The following ARPC4 variants were observed in gnomAD, a reference collection of about 807,000 sequenced individuals.
ARPC4 encodes actin-related protein 2/3 complex subunit 4.
A neutral mutation model predicts 22.8 loss-of-function variants in ARPC4; 3 were observed. The ratio of observed to expected loss-of-function variants is 0.13; its 90% CI spans 0.06 to 0.34. The LOEUF is 0.34. ARPC4 is among the 10% of genes least tolerant of loss of function. The probability of loss-of-function intolerance (pLI) is 1.00; values close to 1 mark genes in which losing one functional copy is unlikely to be tolerated. For synonymous variants in ARPC4, 80 were observed against 72.5 expected (o/e 1.10, Z -0.52); for missense variants, 98 against 211.0 (o/e 0.46, Z 3.32).
At chr3:9,803,314 A>T (rs2079051207) in intron 4 of ARPC4, among the ~76,000 whole-genome samples, 1 of 152,258 alleles carries the variant, frequency 6.6e-6, no homozygotes, top group Non-Finnish European at 1.5e-5. Flanking sequence ...ACTACCACAC[A>T]GCAGCATGTG....
chr3:9,801,013 C>G (rs1428646902), intron 3 of ARPC4, among the ~76,000 whole-genome samples: 1 of 151,728 alleles, frequency 6.6e-6, no homozygotes, highest in East Asian at 2.0e-4. Context: ...GAGTTCAAGA[C>G]CAGCCTGGCC....
At chr3:9,804,626 TTTTCTCCTTTTTC>T (rs2079072856) in intron 5 of ARPC4, among the ~76,000 whole-genome samples, 1 of 152,200 alleles carries the variant, frequency 6.6e-6, no homozygotes, top group Non-Finnish European at 1.5e-5. Flanking sequence ...ATGCCTTTTT[TTTTCTCCTTTTTC>T]CAAGCAATCT....
intron 2 of ARPC4, 120 bp from the exon 3 acceptor site, chr3:9,800,065 C>G: frequency 1.0e-6 from 1 of 970,080 alleles, no homozygotes. Context: ...AGCACTCCTG[C>G]TTGTGAGTCT....
intron 2 of ARPC4, chr3:9,799,975 G>A (rs978791529): frequency 1.2e-5 from 8 of 663,892 alleles, no homozygotes; most frequent in Admixed American, 8.4e-5. Flanking sequence ...AGAGGAGGCT[G>A]GATTTCAAAA....
intron 4 of ARPC4, among the ~76,000 whole-genome samples, chr3:9,802,334 G>T (rs2079027637): frequency 6.7e-6 from 1 of 148,668 alleles, no homozygotes; most frequent in Admixed American, 6.7e-5. Context: ...CAGTGAATTA[G>T]AAATCCTTTC....
At chr3:9,803,793 A>T in intron 4 of ARPC4, 50 bp from the exon 5 acceptor site, 1 of 1,576,054 alleles carries the variant, frequency 6.3e-7, no homozygotes, top group Non-Finnish European at 8.7e-7. Context: ...ATGGGGTGCT[A>T]ATTCTCTCCT....
At chr3:9,794,958 A>G (rs1012566803) in intron 1 of ARPC4, among the ~76,000 whole-genome samples, 34 of 152,112 alleles carry the variant, frequency 2.2e-4, no homozygotes, top group African/African-American at 8.2e-4. Context: ...TTTATTACCA[A>G]GTAGTAGTTA....
intron 5 of ARPC4, among the ~76,000 whole-genome samples, chr3:9,804,814 A>T (rs903052378): frequency 1.1e-4 from 16 of 152,216 alleles, no homozygotes; most frequent in Admixed American, 7.2e-4. Flanking sequence ...GAGGGTGGCC[A>T]GTGTACAGAG....
chr3:9,792,769 C>T, upstream of ARPC4: 1 of 1,247,092 alleles, frequency 8.0e-7, no homozygotes, highest in Non-Finnish European at 1.0e-6. Flanking sequence ...TCGTCCGCTT[C>T]GGCTTGTCCT....
intron 1 of ARPC4, among the ~76,000 whole-genome samples, chr3:9,796,677 C>A (rs1023474903): frequency 2.0e-5 from 3 of 152,076 alleles, no homozygotes; most frequent in Admixed American, 2.0e-4. Flanking sequence ...TGTGGTGGCT[C>A]ACGCCTGTAA....
chr3:9,792,553 G>T, upstream of ARPC4: 1 of 1,227,700 alleles, frequency 8.1e-7, no homozygotes, highest in South Asian at 4.2e-5. Context: ...GCCGGGGGTG[G>T]GAAGAAGGTG....
rs59253495 is a variant in ARPC4 at position 9,794,453 on chromosome 3, C to T, written c.3+1329C>T. ...AGCAGAGCTTGCAGTGAGTCGAGAT[C>T]GTGCCACTGCACACCAGACTGGGCA... On this transcript the variant is annotated intron_variant, in intron 1 of 5. Coordinates refer to ENST00000397261, the MANE Select transcript of ARPC4 (RefSeq NM_005718.5). Among the ~76,000 whole-genome samples, 685 of 152,206 alleles carry T rather than the reference C, an allele frequency of 4.5e-3. 4 individuals carry two copies. The highest frequency in any genetic ancestry group is 0.015 in the African/African-American group (643 of 41,518).
intron 1 of ARPC4, among the ~76,000 whole-genome samples, chr3:9,795,110 A>G (rs963956563): frequency 3.3e-5 from 5 of 151,998 alleles, no homozygotes; most frequent in African/African-American, 7.2e-5. Flanking sequence ...GGTTCAAGCA[A>G]TTCTACTGCC....
At chr3:9,794,868 A>G (rs903357724) in intron 1 of ARPC4, among the ~76,000 whole-genome samples, 2 of 152,124 alleles carry the variant, frequency 1.3e-5, no homozygotes, top group Non-Finnish European at 2.9e-5. Flanking sequence ...ATTCTTTAGT[A>G]TGCAGGCTTT....
intron 2 of ARPC4, among the ~76,000 whole-genome samples, chr3:9,798,735 A>G (rs527692788): frequency 2.0e-5 from 3 of 152,140 alleles, no homozygotes; most frequent in African/African-American, 4.8e-5. Flanking sequence ...TAAGCTGGGC[A>G]TGGTGGTATG....
chr3:9,796,916 G>T (rs1316095391), intron 1 of ARPC4, among the ~76,000 whole-genome samples: 1 of 144,328 alleles, frequency 6.9e-6, no homozygotes, highest in Non-Finnish European at 1.5e-5. Flanking sequence ...GCTCCAGCCT[G>T]GGCAACAGAG....
intron 4 of ARPC4, among the ~76,000 whole-genome samples, chr3:9,803,252 TCTC>T (rs1359505433): frequency 5.9e-5 from 9 of 152,328 alleles, no homozygotes; most frequent in African/African-American, 2.2e-4. Context: ...ACTTGAATCT[TCTC>T]CACAGACTCC....
chr3:9,793,162 G>C (rs1228143159), intron 1 of ARPC4, 38 bp downstream of exon 1: 3 of 1,535,640 alleles, frequency 2.0e-6, no homozygotes, highest in Non-Finnish European at 2.6e-6. Context: ...ACCCCCGGCT[G>C]TTCGGCCTCA....
intron 3 of ARPC4, among the ~76,000 whole-genome samples, 175 bp downstream of exon 3, chr3:9,800,471 C>G (rs7610338): frequency 0.43 from 64,821 of 151,914 alleles, 14,704 homozygotes; most frequent in Middle Eastern, 0.52. Flanking sequence ...GTCGCCCAGG[C>G]TGGAGTGCAG....
Sources: allele counts gnomAD v4.1 joint callset (sites outside exome capture counted in the v4.1 genomes callset), GRCh38; gene constraint gnomAD v4.1.1; transcripts MANE v1.5; gene names NCBI Gene and HGNC (gene_info 2026-07-23, HGNC 2026-07-21).